YTHDF3: variants seen among roughly 807,000 people sequenced by gnomAD.
The protein encoded by YTHDF3 is YTH domain-containing family protein 3.
Under a neutral mutation model 52.5 loss-of-function variants are expected in YTHDF3, and 9 were observed. The ratio of observed to expected loss-of-function variants is 0.17; its 90% CI spans 0.10 to 0.30. The LOEUF (loss-of-function observed/expected upper bound fraction) is 0.30, where lower values mean the gene tolerates loss of function less well. Among genes scored for constraint, YTHDF3 ranks in the 10% least tolerant of loss-of-function variants. The probability of loss-of-function intolerance (pLI) is 1.00; values close to 1 mark genes in which losing one functional copy is unlikely to be tolerated. For missense variants in YTHDF3, 534 were observed against 715.0 expected (o/e 0.75, Z 2.89); for synonymous variants, 274 against 243.3 (o/e 1.13, Z -1.18).
intron 2 of YTHDF3, 110 bp downstream of exon 2, chr8:63,169,521 G>A (rs914026791): frequency 2.4e-6 from 3 of 1,230,130 alleles, no homozygotes; most frequent in Non-Finnish European, 3.4e-6. Flanking sequence ...AAAAATGTAG[G>A]ATTAGGGAAA....
Position 63,210,201 on chromosome 8 carries a change from A to G in YTHDF3, c.*495A>G, listed in dbSNP as rs1810297392. The G allele has an allele frequency of 6.5e-6, 1 of 152,944 alleles. No individual in the cohort carries two copies. 9.5% of individuals were successfully genotyped at this position (152,944 alleles called of 1,614,324 possible). On this transcript the variant is annotated 3_prime_UTR_variant, in exon 5 of 5. Coordinates refer to ENST00000539294, the MANE Select transcript of YTHDF3 (RefSeq NM_152758.6). ...TCCTGGAGTTCAAGTCTAAATGTTG[A>G]TGTGAAAAATTATTGTAGTAAACTT...
intron 4 of YTHDF3, among the ~76,000 whole-genome samples, chr8:63,200,378 C>T (rs1427728181): frequency 2.6e-5 from 4 of 151,738 alleles, no homozygotes; most frequent in East Asian, 3.9e-4. Context: ...TCTGTCGCCT[C>T]GGCTGAATTT....
intron 4 of YTHDF3, among the ~76,000 whole-genome samples, chr8:63,199,899 G>C (rs1030698355): frequency 6.6e-6 from 1 of 152,164 alleles, no homozygotes; most frequent in East Asian, 1.9e-4. Context: ...TATTAAATGA[G>C]TAGGGATAGT....
chr8:63,198,768 G>C (rs1218988859), intron 4 of YTHDF3, among the ~76,000 whole-genome samples: 1 of 152,140 alleles, frequency 6.6e-6, no homozygotes, highest in Non-Finnish European at 1.5e-5. Flanking sequence ...GTGGATTGAA[G>C]TGTATTCTAT....
intron 3 of YTHDF3, among the ~76,000 whole-genome samples, chr8:63,176,312 C>T (rs1232869220): frequency 2.0e-5 from 3 of 152,216 alleles, no homozygotes; most frequent in Non-Finnish European, 4.4e-5. Flanking sequence ...GACGGAGTCT[C>T]GCTCTGTCGC....
chr8:63,193,873 A>G (rs1005312383), intron 4 of YTHDF3, among the ~76,000 whole-genome samples: 11 of 152,226 alleles, frequency 7.2e-5, no homozygotes, highest in Admixed American at 3.9e-4. Flanking sequence ...ACAGTTGTAA[A>G]TGAGAATCTA....
intron 4 of YTHDF3, among the ~76,000 whole-genome samples, chr8:63,203,668 G>A: frequency 6.6e-6 from 1 of 152,054 alleles, no homozygotes; most frequent in Non-Finnish European, 1.5e-5. Flanking sequence ...TCTCACTAAT[G>A]TCTTTTTCAA....
At chr8:63,205,436 C>CTTTTT (rs908105956) in intron 4 of YTHDF3, among the ~76,000 whole-genome samples, 11 of 139,698 alleles carry the variant, frequency 7.9e-5, no homozygotes, top group African/African-American at 2.6e-4. Context: ...CTTTTTCTTT[C>CTTTTT]TTTTTTTTTT....
chr8:63,193,757 G>A (rs981397434), intron 4 of YTHDF3, among the ~76,000 whole-genome samples: 2 of 152,118 alleles, frequency 1.3e-5, no homozygotes, highest in African/African-American at 2.4e-5. Context: ...GAGGGAATAC[G>A]AGTCAGGACT....
At chr8:63,191,180 T>C (rs1232652496) in intron 4 of YTHDF3, among the ~76,000 whole-genome samples, 1 of 152,212 alleles carries the variant, frequency 6.6e-6, no homozygotes, top group Non-Finnish European at 1.5e-5. Context: ...TTTTTCTTTA[T>C]TTTTACATTA....
intron 4 of YTHDF3, among the ~76,000 whole-genome samples, chr8:63,189,839 T>C (rs935804660): frequency 6.6e-6 from 1 of 152,226 alleles, no homozygotes; most frequent in African/African-American, 2.4e-5. Flanking sequence ...TTGGAAACTT[T>C]GCTTTGGAGT....
At chr8:63,173,064 T>C (rs976958076) in intron 2 of YTHDF3, among the ~76,000 whole-genome samples, 1 of 151,970 alleles carries the variant, frequency 6.6e-6, no homozygotes, top group Non-Finnish European at 1.5e-5. Flanking sequence ...GTACTATATT[T>C]TAAGACTTTA....
Position 63,186,546 on chromosome 8 carries a change from A to G in YTHDF3, c.535A>G (p.Ser179Gly). ...GGCTGGATTTGGCAATGATACTTTG[A>G]GTAAGGTGCCTGGCATTAGCAGTAT... ...GQAGFGNDTL[S>G]KVPGISSIEQ... Residue 179 changes from serine (S) to glycine (G), a missense_variant, in exon 4 of 5, where the codon AGT becomes GGT. Around this residue, in one of 3 missense-constraint regions of YTHDF3, gnomAD observed 196 missense variants for 299.5 expected, o/e 0.65. Coordinates refer to ENST00000539294, the MANE Select transcript of YTHDF3 (RefSeq NM_152758.6). 6.2e-7 allele frequency: 1 copy of G among 1,613,994 alleles called. No individual in the cohort carries two copies. The highest frequency in any genetic ancestry group is 8.5e-7 in the Non-Finnish European group (1 of 1,179,888).
At chr8:63,175,224 A>G (rs1394540798) in intron 2 of YTHDF3, 107 bp from the exon 3 acceptor site, 1 of 761,466 alleles carries the variant, frequency 1.3e-6, no homozygotes, top group Non-Finnish European at 2.1e-6. Flanking sequence ...ACTCAGTATT[A>G]TTTTTTCTGA....
chr8:63,207,576 C>T (rs867223170), intron 4 of YTHDF3, among the ~76,000 whole-genome samples: 4 of 151,886 alleles, frequency 2.6e-5, no homozygotes, highest in East Asian at 1.9e-4. Context: ...TATATATAGA[C>T]GTATTATCTA....
In YTHDF3 at chr8:63,187,717, G is replaced by A. The variant is rs1404680481; in HGVS notation, c.1706G>A (p.Arg569His). 3.1e-6 allele frequency: 5 copies of A among 1,609,278 alleles called. No individual in the cohort carries two copies. Among genetic ancestry groups the A allele is most frequent in the East Asian group, 2.2e-5 (1 of 44,826 alleles). Reference protein sequence around the residue: ...IFDDFAHYEKRQEEEEAMRRE... With the variant: ...IFDDFAHYEKHQEEEEAMRRE... ...GATGACTTTGCACATTATGAAAAGC[G>A]TCAAGAAGAGGAGGAAGCCATGCGT... is the stretch of plus-strand genomic sequence containing the variant. The change falls in exon 4 of 5, where the codon CGT becomes CAT. Residue 569 changes from arginine to histidine, a missense_variant. Around this residue, in one of 3 missense-constraint regions of YTHDF3, gnomAD observed 135 missense variants for 214.2 expected, o/e 0.63. Transcript: ENST00000539294.
intron 2 of YTHDF3, among the ~76,000 whole-genome samples, chr8:63,173,231 AAGTACTT>A (rs1443737364): frequency 9.8e-5 from 10 of 101,672 alleles, no homozygotes; most frequent in African/African-American, 7.3e-4. Context: ...AATTTTAAGT[AAGTACTT>A]TTTCCTTTTT....
Position 63,212,599 on chromosome 8 carries a change from A to T in YTHDF3, c.*2893A>T, listed in dbSNP as rs148059219. ...TTTTTCGTATGATTAAAGGAAGGTT[A>T]TGATAAAATGATTAGTTCATTTACA... On this transcript the variant is annotated 3_prime_UTR_variant, in exon 5 of 5. Coordinates refer to ENST00000539294, the MANE Select transcript of YTHDF3 (RefSeq NM_152758.6). The T allele has an allele frequency of 3.3e-5, 5 of 152,628 alleles. No homozygotes were observed. The highest frequency in any genetic ancestry group is 3.3e-4 in the Admixed American group (5 of 15,276). 9.5% of individuals were successfully genotyped at this position (152,628 alleles called of 1,614,324 possible). A position where few individuals can be genotyped will look rare whatever the true frequency, so the allele number is the denominator to read the frequency against.
chr8:63,186,679 A>G lies in YTHDF3; in HGVS notation c.668A>G (p.Asn223Ser), dbSNP rs771034100. ...SSSGMTSIATNSVPPVSSAAP... is the reference protein window; with the variant it reads ...SSSGMTSIATSSVPPVSSAAP... ...AGTGGTATGACTAGCATTGCAACCA[A>G]TAGTGTGCCCCCAGTTAGCAGTGCA... is the stretch of plus-strand genomic sequence containing the variant. Residue 223 changes from asparagine to serine, a missense_variant, in exon 4 of 5, where the codon AAT becomes AGT. This residue lies in a region of YTHDF3 where 196 missense variants were observed against 299.5 expected (regional missense o/e 0.65). Coordinates refer to ENST00000539294, the MANE Select transcript of YTHDF3 (RefSeq NM_152758.6). The G allele has an allele frequency of 1.5e-5, 25 of 1,613,828 alleles. No individual in the cohort carries two copies. Among genetic ancestry groups the G allele is most frequent in the Middle Eastern group, 3.3e-4 (2 of 6,084 alleles).
Sources: allele counts gnomAD v4.1 joint callset (sites outside exome capture counted in the v4.1 genomes callset), GRCh38; gene constraint gnomAD v4.1.1; regional missense constraint gnomAD v4.1.1; transcripts MANE v1.5; gene names NCBI Gene and HGNC (gene_info 2026-07-23, HGNC 2026-07-21).